The following PALLD variants were observed in gnomAD, a reference collection of about 807,000 sequenced individuals.
PALLD encodes palladin, cytoskeletal associated protein.
In PALLD, 61 loss-of-function variants were observed where a neutral mutation model predicts 123.5. The observed-to-expected ratio is 0.49, with a 90% CI of 0.40 to 0.61. The LOEUF is 0.61. Among genes scored for constraint, PALLD ranks in the 20% least tolerant of loss-of-function variants. The pLI, the probability that PALLD is intolerant of heterozygous loss-of-function variation, is 0.00. For synonymous variants in PALLD, 465 were observed against 496.4 expected (o/e 0.94, Z 0.84); for missense variants, 1,273 against 1,377.0 (o/e 0.92, Z 1.20).
chr4:168,778,764 G>C (rs760180431), intron 10 of PALLD, among the ~76,000 whole-genome samples: 6 of 152,184 alleles, frequency 3.9e-5, no homozygotes, highest in Non-Finnish European at 8.8e-5. Context: ...CTTGTCCAAG[G>C]TCACACAACT....
chr4:168,627,307 C>T (rs1027916443), intron 2 of PALLD, among the ~76,000 whole-genome samples: 9 of 152,094 alleles, frequency 5.9e-5, no homozygotes, highest in African/African-American at 1.2e-4. Context: ...GTCAGGAGTT[C>T]GAGACCAGCC....
intron 10 of PALLD, among the ~76,000 whole-genome samples, chr4:168,830,400 C>T (rs996818849): frequency 3.3e-5 from 5 of 151,560 alleles, no homozygotes; most frequent in Non-Finnish European, 7.4e-5. Context: ...TATGATGGCA[C>T]GTGCCTGTAG....
chr4:168,618,413 A>T (rs1774432454), intron 2 of PALLD, among the ~76,000 whole-genome samples: 2 of 152,154 alleles, frequency 1.3e-5, no homozygotes, highest in Non-Finnish European at 2.9e-5. Context: ...AACTTCAGGG[A>T]GGATCTGGGT....
chr4:168,757,666 C>A (rs541650245), intron 10 of PALLD, among the ~76,000 whole-genome samples: 49 of 152,362 alleles, frequency 3.2e-4, no homozygotes, highest in African/African-American at 1.2e-3. Flanking sequence ...TGTGACACAT[C>A]ACCTCTGGGC....
chr4:168,524,001 A>G (rs775734807), intron 2 of PALLD, among the ~76,000 whole-genome samples: 2 of 152,212 alleles, frequency 1.3e-5, no homozygotes, highest in Non-Finnish European at 2.9e-5. Context: ...TACTTAGTGT[A>G]TGCCACTCTT....
At chr4:168,677,174 T>G (rs1580902391) in intron 3 of PALLD, among the ~76,000 whole-genome samples, 1 of 151,128 alleles carries the variant, frequency 6.6e-6, no homozygotes, top group East Asian at 1.9e-4. Context: ...CTCCGTAGTG[T>G]TGTTTTTTTT....
chr4:168,914,242 T>C (rs1362694430), intron 16 of PALLD, among the ~76,000 whole-genome samples: 1 of 152,216 alleles, frequency 6.6e-6, no homozygotes, highest in East Asian at 1.9e-4. Flanking sequence ...CCCATTCACA[T>C]ATACTATTAG....
chr4:168,828,042 AAAC>A (rs955256712), intron 10 of PALLD, among the ~76,000 whole-genome samples: 38 of 152,322 alleles, frequency 2.5e-4, no homozygotes, highest in African/African-American at 7.2e-4. Flanking sequence ...CTCCGTCTCA[AAAC>A]AACAACAACA....
chr4:168,836,087 C>T (rs1011037480), intron 10 of PALLD, among the ~76,000 whole-genome samples: 9 of 152,108 alleles, frequency 5.9e-5, no homozygotes, highest in African/African-American at 1.7e-4. Flanking sequence ...TAGGGTTGAC[C>T]GTAATTGGTA....
chr4:168,579,574 T>C (rs1001278116), intron 2 of PALLD, among the ~76,000 whole-genome samples: 4 of 152,064 alleles, frequency 2.6e-5, no homozygotes, highest in African/African-American at 9.7e-5. Flanking sequence ...AGGTCAATGT[T>C]CTTAAAATAA....
chr4:168,533,364 C>A (rs1309894144), intron 2 of PALLD, among the ~76,000 whole-genome samples: 3 of 151,938 alleles, frequency 2.0e-5, no homozygotes, highest in Non-Finnish European at 4.4e-5. Context: ...GGGGAAGAAC[C>A]TACAGTAATA....
At chr4:168,507,585 A>AC in intron 1 of PALLD, 2 of 202,386 alleles carry the variant, frequency 9.9e-6, no homozygotes, top group Non-Finnish European at 1.0e-5. Context: ...AAATGTGTGC[A>AC]CCCCCTGGAT....
intron 2 of PALLD, among the ~76,000 whole-genome samples, chr4:168,551,689 TA>T (rs750115802): frequency 6.0e-4 from 88 of 146,982 alleles, no homozygotes; most frequent in Non-Finnish European, 6.2e-4. Flanking sequence ...TTTTTTAAAT[TA>T]AAAAAAAAAC....
chr4:168,510,582 C>A (rs1284400107), intron 1 of PALLD, among the ~76,000 whole-genome samples: 1 of 152,096 alleles, frequency 6.6e-6, no homozygotes, highest in Non-Finnish European at 1.5e-5. Context: ...CCATCCCAAC[C>A]CTTTTTGTAT....
At chr4:168,707,387 G>A (rs1290528376) in intron 8 of PALLD, among the ~76,000 whole-genome samples, 22 of 152,214 alleles carry the variant, frequency 1.4e-4, no homozygotes, top group Admixed American at 1.4e-3. Flanking sequence ...TCTCAGTGCG[G>A]CCATGGTCAG....
intron 2 of PALLD, among the ~76,000 whole-genome samples, chr4:168,520,034 A>G (rs1763374462): frequency 1.3e-5 from 2 of 152,178 alleles, no homozygotes. Context: ...TCATAAGAGA[A>G]TGGCACCTTT....
At chr4:168,497,757 AT>A (rs1760900853) in intron 1 of PALLD, among the ~76,000 whole-genome samples, 1 of 152,256 alleles carries the variant, frequency 6.6e-6, no homozygotes, top group Non-Finnish European at 1.5e-5. Flanking sequence ...TTACATACAT[AT>A]TTTTAATAAG....
At chr4:168,625,500 G>GAGATAGATAGAT (rs148655486) in intron 2 of PALLD, among the ~76,000 whole-genome samples, 12 of 35,212 alleles carry the variant, frequency 3.4e-4, no homozygotes, top group East Asian at 1.4e-3. Flanking sequence ...TAATATCCAG[G>GAGATAGATAGAT]AGATATATAT....
chr4:168,556,343 CCT>C (rs1488183107), intron 2 of PALLD, among the ~76,000 whole-genome samples: 1 of 152,170 alleles, frequency 6.6e-6, no homozygotes, highest in African/African-American at 2.4e-5. Context: ...GATCCGCCCG[CCT>C]CTGCCTCCCA....
Sources: allele counts gnomAD v4.1 joint callset (sites outside exome capture counted in the v4.1 genomes callset), GRCh38; gene constraint gnomAD v4.1.1; transcripts MANE v1.5; gene names NCBI Gene and HGNC (gene_info 2026-07-23, HGNC 2026-07-21).